Variants in PABPC4L observed in about 807,000 individuals in gnomAD.
PABPC4L encodes the protein poly(A) binding protein cytoplasmic 4 like, also known as polyadenylate-binding protein 4-like.
For missense variants in PABPC4L, 452 were observed against 451.4 expected (o/e 1.00, Z -0.01); for synonymous variants, 169 against 164.1 (o/e 1.03, Z -0.23).
At chr4:134,089,909 A>G in the PABPC4L span, among the ~76,000 whole-genome samples, 480 of 152,188 alleles carry the variant, frequency 3.2e-3, 2 homozygotes, top group African/African-American at 0.011. Context: ...ATCTTGGAAC[A>G]TACCCTTCAT....
the PABPC4L span, among the ~76,000 whole-genome samples, chr4:134,017,759 C>A: frequency 2.6e-5 from 4 of 151,910 alleles, no homozygotes; most frequent in Non-Finnish European, 5.9e-5. Flanking sequence ...ACAAATGTTT[C>A]TTCTAAAAAC....
the PABPC4L span, among the ~76,000 whole-genome samples, chr4:134,117,662 G>A: frequency 6.6e-6 from 1 of 151,720 alleles, no homozygotes; most frequent in African/African-American, 2.4e-5. Context: ...AGTGTTCATA[G>A]ATGCTAAGGT....
the PABPC4L span, among the ~76,000 whole-genome samples, chr4:133,991,701 G>A: frequency 2.6e-5 from 4 of 152,156 alleles, no homozygotes; most frequent in African/African-American, 9.7e-5. Flanking sequence ...ACCTGGGACA[G>A]GGCACGTTCT....
At chr4:134,087,265 T>C in the PABPC4L span, among the ~76,000 whole-genome samples, 4 of 151,962 alleles carry the variant, frequency 2.6e-5, no homozygotes, top group East Asian at 1.9e-4. Flanking sequence ...AAATGATGAG[T>C]TCATGTCCTT....
chr4:134,095,956 C>G, the PABPC4L span, among the ~76,000 whole-genome samples: 4 of 151,970 alleles, frequency 2.6e-5, no homozygotes, highest in African/African-American at 9.7e-5. Context: ...ATTCTGCTTA[C>G]TTTACTTCAA....
chr4:134,099,226 C>T, the PABPC4L span, among the ~76,000 whole-genome samples: 1 of 151,652 alleles, frequency 6.6e-6, no homozygotes, highest in African/African-American at 2.4e-5. Context: ...GTGGAATTCA[C>T]TCATCTTTTA....
At chr4:134,062,915 G>A in the PABPC4L span, among the ~76,000 whole-genome samples, 1 of 152,062 alleles carries the variant, frequency 6.6e-6, no homozygotes, top group South Asian at 2.1e-4. Context: ...AAAGGGAGGT[G>A]AAATGCATTT....
the PABPC4L span, among the ~76,000 whole-genome samples, chr4:134,089,274 G>T: frequency 6.6e-6 from 1 of 151,740 alleles, no homozygotes; most frequent in Admixed American, 6.6e-5. Context: ...TATTTTTAAA[G>T]CAATATTGAA....
chr4:133,953,649 A>C, the PABPC4L span, among the ~76,000 whole-genome samples: 1 of 151,944 alleles, frequency 6.6e-6, no homozygotes, highest in African/African-American at 2.4e-5. Context: ...GAATCCTCCT[A>C]ATTATTACTT....
chr4:134,150,292 CA>C, the PABPC4L span, among the ~76,000 whole-genome samples: 1 of 152,096 alleles, frequency 6.6e-6, no homozygotes, highest in African/African-American at 2.4e-5. Flanking sequence ...CCATGTTGGC[CA>C]GGCTGGTCTC....
chr4:134,026,442 T>C, the PABPC4L span, among the ~76,000 whole-genome samples: 3 of 152,248 alleles, frequency 2.0e-5, no homozygotes, highest in East Asian at 5.8e-4. Context: ...TTTCACCATA[T>C]TGGCCAGGAA....
chr4:134,118,374 T>C, the PABPC4L span, among the ~76,000 whole-genome samples: 18 of 151,990 alleles, frequency 1.2e-4, no homozygotes, highest in South Asian at 6.2e-4. Flanking sequence ...ACACTCCATT[T>C]TCATGGTTAC....
the PABPC4L span, among the ~76,000 whole-genome samples, chr4:134,090,323 G>A: frequency 6.6e-6 from 1 of 152,058 alleles, no homozygotes; most frequent in African/African-American, 2.4e-5. Context: ...ATTCAAACAT[G>A]TTATATACTA....
At chr4:134,046,199 T>C in the PABPC4L span, among the ~76,000 whole-genome samples, 39 of 152,004 alleles carry the variant, frequency 2.6e-4, no homozygotes, top group Non-Finnish European at 5.3e-4. Flanking sequence ...GCAAGGGGAA[T>C]GGGGCAGGAG....
In PABPC4L at chr4:134,200,676, T is replaced by C; in HGVS notation, c.344A>G (p.Tyr115Cys). 1 of 1,551,694 alleles carries C rather than the reference T, an allele frequency of 6.4e-7. No individual in the cohort carries two copies. Among genetic ancestry groups the C allele is most frequent in the Non-Finnish European group, 8.7e-7 (1 of 1,146,980 alleles). ...LDKSIDNKTL[Y>C]EHFSAFGKIL... is the part of the protein sequence containing the mutation. ...CTTTCCAAAAGCTGAAAAATGTTCA[T>C]AAAGGGTTTTGTTATCGATAGATTT... The change falls in exon 2 of 2, where the codon TAT becomes TGT. Residue 115 changes from tyrosine (Y) to cysteine (C), a missense_variant. By Grantham distance (194) the Tyr-to-Cys change is radical. Transcript: ENST00000421491.
the PABPC4L span, among the ~76,000 whole-genome samples, chr4:134,116,531 C>T: frequency 6.6e-6 from 1 of 151,738 alleles, no homozygotes; most frequent in Non-Finnish European, 1.5e-5. Context: ...AATACTTAAC[C>T]TAATGACCAA....
chr4:134,152,859 A>C, the PABPC4L span, among the ~76,000 whole-genome samples: 1 of 152,182 alleles, frequency 6.6e-6, no homozygotes, highest in Non-Finnish European at 1.5e-5. Context: ...TGAGGGTCTC[A>C]GATTGCCTCC....
At chr4:134,037,859 C>T in the PABPC4L span, among the ~76,000 whole-genome samples, 1 of 152,066 alleles carries the variant, frequency 6.6e-6, no homozygotes, top group South Asian at 2.1e-4. Flanking sequence ...CCAATACTAT[C>T]TTGAATAGGT....
the PABPC4L span, among the ~76,000 whole-genome samples, chr4:133,984,924 A>G: frequency 4.6e-5 from 7 of 151,958 alleles, no homozygotes; most frequent in Admixed American, 4.6e-4. Context: ...TAACCCAGGA[A>G]CAGGGAATTT....
Sources: allele counts gnomAD v4.1 joint callset (sites outside exome capture counted in the v4.1 genomes callset), GRCh38; gene constraint gnomAD v4.1.1; transcripts MANE v1.5; gene names NCBI Gene and HGNC (gene_info 2026-07-23, HGNC 2026-07-21).